STAU1: variants seen among roughly 807,000 people sequenced by gnomAD.
STAU1 encodes staufen double-stranded RNA binding protein 1, also known as double-stranded RNA-binding protein Staufen homolog 1.
A neutral mutation model predicts 62.9 loss-of-function variants in STAU1; 13 were observed. The ratio of observed to expected loss-of-function variants is 0.21; its 90% CI spans 0.13 to 0.33. STAU1 has a LOEUF of 0.33. Among genes scored for constraint, STAU1 ranks in the 10% least tolerant of loss-of-function variants. STAU1 has a pLI of 1.00. For synonymous variants in STAU1, 269 were observed against 265.1 expected (o/e 1.01, Z -0.14); for missense variants, 571 against 712.1 (o/e 0.80, Z 2.25).
rs536823897 is a variant in STAU1 at position 49,126,293 on chromosome 20, G to A, written c.610-1706C>T. ...GATAGAAAATCAGGCTGGGCAGGGT[G>A]GCTCATGCCTGTAATCCCAACGCTC... On this transcript the variant is annotated intron_variant, in intron 6 of 13. Coordinates refer to ENST00000371856, the MANE Select transcript of STAU1 (RefSeq NM_017453.4). Among the ~76,000 whole-genome samples, 26 of 151,894 alleles carry A rather than the reference G, an allele frequency of 1.7e-4. 1 individual carries two copies. The South Asian group carries it at 4.1e-3, about 24-fold the overall frequency.
intron 6 of STAU1, among the ~76,000 whole-genome samples, chr20:49,134,076 A>C (rs1390622940): frequency 6.6e-6 from 1 of 152,190 alleles, no homozygotes; most frequent in Admixed American, 6.5e-5. Context: ...CACGTAAATC[A>C]AAAGAATCTG....
chr20:49,115,905 C>G (rs375727210), intron 12 of STAU1, 38 bp from the exon 13 acceptor site: 1 of 1,577,270 alleles, frequency 6.3e-7, no homozygotes, highest in Admixed American at 1.7e-5. Flanking sequence ...CCACAGCCAC[C>G]GCTTGGGACC....
chr20:49,204,595 TATATATA>T, the STAU1 span, among the ~76,000 whole-genome samples: 2 of 19,344 alleles, frequency 1.0e-4, no homozygotes, highest in Non-Finnish European at 1.6e-4. Context: ...TTTTACATTA[TATATATA>T]TATATATATA....
At chr20:49,129,847 C>CT (rs945269597) in intron 6 of STAU1, among the ~76,000 whole-genome samples, 12 of 151,990 alleles carry the variant, frequency 7.9e-5, no homozygotes, top group African/African-American at 2.9e-4. Flanking sequence ...AGGCTGGTCT[C>CT]TAACTCCTGA....
rs1309573018 is a variant in STAU1, at chr20:49,181,763, C to CAAAAAAAAAAAAAAA, written c.-160+6352_-160+6353insTTTTTTTTTTTTTTT. Among the ~76,000 whole-genome samples the CAAAAAAAAAAAAAAA allele has an allele frequency of 6.0e-5, 4 of 66,702 alleles. 1 individual carries two copies. The highest frequency in any genetic ancestry group is 5.9e-5 in the African/African-American group (1 of 16,974). 43.8% of individuals were successfully genotyped at this position (66,702 alleles called of 152,430 possible). ...CCTGGGCAACAGAGCAAGACTATCT[C>CAAAAAAAAAAAAAAA]AACAAAAAAAAAAAAAAAAAAAAAA... On this transcript the variant is annotated intron_variant, in intron 1 of 13. Coordinates refer to ENST00000371856, the MANE Select transcript of STAU1 (RefSeq NM_017453.4).
At chr20:49,192,791 A>C (rs1285902161), upstream of STAU1, among the ~76,000 whole-genome samples, 1 of 152,258 alleles carries the variant, frequency 6.6e-6, no homozygotes, top group East Asian at 1.9e-4. Context: ...TGAGACCCTG[A>C]CTCAAAAAAT....
At chr20:49,178,768 A>T (rs7262349) in intron 1 of STAU1, among the ~76,000 whole-genome samples, 31,667 of 148,676 alleles carry the variant, frequency 0.21, 3,392 homozygotes, top group Non-Finnish European at 0.24. Context: ...AAATAAAATA[A>T]AAATATAAAA....
intron 3 of STAU1, among the ~76,000 whole-genome samples, chr20:49,156,530 C>T (rs1049201316): frequency 1.3e-5 from 2 of 152,204 alleles, no homozygotes; most frequent in Non-Finnish European, 2.9e-5. Flanking sequence ...TTCCTTCCTT[C>T]GCTACCAAAA....
intron 5 of STAU1, among the ~76,000 whole-genome samples, chr20:49,143,319 T>C (rs1045715762): frequency 4.3e-4 from 65 of 152,142 alleles, no homozygotes; most frequent in African/African-American, 1.5e-3. Context: ...AGGCCAGGTG[T>C]GATAGCTCAT....
the STAU1 span, among the ~76,000 whole-genome samples, chr20:49,206,761 ATTT>A: frequency 9.8e-6 from 1 of 101,734 alleles, no homozygotes; most frequent in Non-Finnish European, 2.0e-5. Flanking sequence ...ATTTTATTTT[ATTT>A]TTTTTTTTTT....
chr20:49,185,429 T>C (rs547368647), intron 1 of STAU1, among the ~76,000 whole-genome samples: 1 of 152,338 alleles, frequency 6.6e-6, no homozygotes, highest in South Asian at 2.1e-4. Context: ...GCTGAAGGCA[T>C]TGGATCAAGA....
chr20:49,193,558 C>A, the STAU1 span, among the ~76,000 whole-genome samples: 4 of 152,130 alleles, frequency 2.6e-5, no homozygotes, highest in Non-Finnish European at 4.4e-5. Flanking sequence ...GTAGTCCCAG[C>A]TACTCAGGAG....
At position 49,167,139 on chromosome 20, in the gene STAU1, G is replaced by A. The variant is rs563958078; in HGVS notation, c.-84-854C>T. Among the ~76,000 whole-genome samples, 8 of 152,012 alleles carry A rather than the reference G, an allele frequency of 5.3e-5. No individual in the cohort carries two copies. In the East Asian group the frequency reaches 1.3e-3, roughly 26 times the overall value. On this transcript the variant is annotated intron_variant, in intron 2 of 13. Coordinates refer to ENST00000371856, the MANE Select transcript of STAU1 (RefSeq NM_017453.4). The stretch of plus-strand genomic sequence containing the variant: ...TTCTAAATACATTAAATTTCTTCAC[G>A]AGACAAAAATAAGGACAGTTGTGTT...
chr20:49,166,790 AG>A (rs2093533084), intron 2 of STAU1, among the ~76,000 whole-genome samples: 1 of 152,160 alleles, frequency 6.6e-6, no homozygotes, highest in Non-Finnish European at 1.5e-5. Context: ...AGTTGACAGA[AG>A]GAAGGTAGGA....
At chr20:49,195,912 A>G in the STAU1 span, among the ~76,000 whole-genome samples, 1,082 of 83,098 alleles carry the variant, frequency 0.013, 29 homozygotes, top group African/African-American at 0.03. Flanking sequence ...AAAAAAAAAA[A>G]AAAAAGAAAA....
At chr20:49,173,276 G>A (rs1283931726) in intron 2 of STAU1, among the ~76,000 whole-genome samples, 3 of 151,730 alleles carry the variant, frequency 2.0e-5, no homozygotes, top group South Asian at 2.1e-4. Context: ...TGACCAACAC[G>A]GTGAAACCCT....
chr20:49,202,303 T>C, the STAU1 span, among the ~76,000 whole-genome samples: 2 of 151,054 alleles, frequency 1.3e-5, no homozygotes, highest in Non-Finnish European at 2.9e-5. Context: ...TGGCTCACAT[T>C]GTAATCCCAG....
At chr20:49,144,962 A>G (rs348282) in intron 5 of STAU1, among the ~76,000 whole-genome samples, 18,794 of 152,216 alleles carry the variant, frequency 0.12, 1,835 homozygotes, top group African/African-American at 0.28. Flanking sequence ...CCCATCATGT[A>G]AAGACTTACA....
chr20:49,140,187 A>T (rs905029042), intron 5 of STAU1, among the ~76,000 whole-genome samples: 8 of 152,180 alleles, frequency 5.3e-5, no homozygotes, highest in Non-Finnish European at 1.0e-4. Flanking sequence ...AAAAAAAAAA[A>T]AAGTAAGTTA....
Sources: allele counts gnomAD v4.1 joint callset (sites outside exome capture counted in the v4.1 genomes callset), GRCh38; gene constraint gnomAD v4.1.1; transcripts MANE v1.5; gene names NCBI Gene and HGNC (gene_info 2026-07-23, HGNC 2026-07-21).